The following MYRFL variants were observed in gnomAD, a reference collection of about 807,000 sequenced individuals.
MYRFL encodes the protein myelin regulatory factor-like protein.
A neutral mutation model predicts 109.4 loss-of-function variants in MYRFL; 88 were observed. That is an observed-to-expected ratio of 0.80 (90% CI 0.68 to 0.96). The LOEUF is 0.96. Among genes scored for constraint, MYRFL ranks in the 40% least tolerant of loss-of-function variants. MYRFL has a pLI of 0.00. For missense variants in MYRFL, 957 were observed against 954.9 expected (o/e 1.00, Z -0.03); for synonymous variants, 324 against 320.9 (o/e 1.01, Z -0.10).
At chr12:69,877,116 C>G (rs188555547) in intron 2 of MYRFL, among the ~76,000 whole-genome samples, 1 of 151,078 alleles carries the variant, frequency 6.6e-6, no homozygotes, top group Non-Finnish European at 1.5e-5. Flanking sequence ...CTCCGCCTCC[C>G]GGGTTCACGC....
intron 11 of MYRFL, among the ~76,000 whole-genome samples, chr12:69,908,729 A>G (rs958700708): frequency 2.0e-5 from 3 of 152,332 alleles, no homozygotes; most frequent in Non-Finnish European, 4.4e-5. Flanking sequence ...CTTCCTGTCT[A>G]GACCACAAAC....
intron 19 of MYRFL, among the ~76,000 whole-genome samples, chr12:69,946,018 T>C (rs891093643): frequency 8.9e-5 from 11 of 124,268 alleles, no homozygotes; most frequent in Admixed American, 7.9e-4. Context: ...AAAAAAATTA[T>C]AGAAACTTAA....
intron 13 of MYRFL, among the ~76,000 whole-genome samples, chr12:69,919,635 C>T (rs1007826079): frequency 2.6e-5 from 4 of 152,106 alleles, no homozygotes; most frequent in Admixed American, 6.6e-5. Context: ...GGGCCCAGTA[C>T]GCTCTCCACA....
Position 69,952,717 on chromosome 12 carries a change from A to C in MYRFL, c.2288-82A>C. ...GGAAACTCTTACTTCCCATTCTGTAATTTGAGGACTGTGGCTGGAATACAA... is the reference window on the plus strand; with the variant it reads ...GGAAACTCTTACTTCCCATTCTGTACTTTGAGGACTGTGGCTGGAATACAA... On this transcript the variant is annotated intron_variant, in intron 20 of 24. Coordinates refer to ENST00000552032, the MANE Select transcript of MYRFL (RefSeq NM_182530.3). The C allele has an allele frequency of 3.1e-6, 3 of 964,748 alleles. No homozygotes were observed. The South Asian group carries it at 5.5e-5, about 18-fold the overall frequency. The allele number at this position is 964,748 out of a possible 1,614,324, so 59.8% of individuals were successfully genotyped here.
chr12:69,841,154 C>G (rs1229558362), intron 1 of MYRFL, among the ~76,000 whole-genome samples: 2 of 152,282 alleles, frequency 1.3e-5, no homozygotes, highest in East Asian at 3.9e-4. Context: ...TTCTTGGGGG[C>G]AGTGCCCTGC....
At chr12:69,830,640 C>T (rs1023851569) in intron 1 of MYRFL, among the ~76,000 whole-genome samples, 14 of 152,026 alleles carry the variant, frequency 9.2e-5, no homozygotes, top group South Asian at 2.1e-4. Flanking sequence ...CCAGGTCATG[C>T]AAGGAATTTA....
Position 69,891,637 on chromosome 12 carries a change from T to TTCTCTTTCTTTC in MYRFL, c.903+472_903+473insCTCTTTCTTTCT. ...TTTCTTTCTTTCCTCCTTCCTTTCT[T>TTCTCTTTCTTTC]TTTCTTTCTTTCTTTCTTTCTTTCT... is the stretch of plus-strand genomic sequence containing the variant. On this transcript the variant is annotated intron_variant, in intron 7 of 24. Transcript: ENST00000552032. Among the ~76,000 whole-genome samples, 36 of 53,836 alleles carry TTCTCTTTCTTTC rather than the reference T, an allele frequency of 6.7e-4. 1 individual carries two copies. The highest frequency in any genetic ancestry group is 3.9e-3 in the South Asian group (6 of 1,522). The allele number at this position is 53,836 out of a possible 152,430, so 35.3% of individuals were successfully genotyped here.
chr12:69,895,372 A>G lies in MYRFL; in HGVS notation c.982A>G (p.Ile328Val). ...TTTTTTTTTTGCTGTTTGTTTTAGA[A>G]TTGACCTACTGGCTGACCAGGTCAC... ...RSKKIFNPVK[I>V]DLLADQVTKV... Residue 328 changes from isoleucine to valine, a missense_variant and splice_region_variant, in exon 9 of 25, where the codon ATT (isoleucine) becomes GTT (valine). Coordinates refer to ENST00000552032, the MANE Select transcript of MYRFL (RefSeq NM_182530.3). The G allele has an allele frequency of 6.5e-7, 1 of 1,532,546 alleles. No individual in the cohort carries two copies. The highest frequency in any genetic ancestry group is 1.2e-5 in the South Asian group (1 of 83,700). 94.9% of individuals were successfully genotyped at this position (1,532,546 alleles called of 1,614,324 possible).
chr12:69,958,410 T>G (rs1956142424), intron 24 of MYRFL, 35 bp from the exon 25 acceptor site: 1 of 1,507,410 alleles, frequency 6.6e-7, no homozygotes, highest in Non-Finnish European at 8.8e-7. Flanking sequence ...ATTTTTACAT[T>G]AATCTTCCTT....
intron 11 of MYRFL, among the ~76,000 whole-genome samples, chr12:69,909,451 C>T (rs1218410919): frequency 1.3e-5 from 2 of 152,128 alleles, no homozygotes; most frequent in East Asian, 3.9e-4. Flanking sequence ...TCAATAGCTA[C>T]TCAATAAATA....
intron 7 of MYRFL, among the ~76,000 whole-genome samples, chr12:69,891,748 G>A (rs557588874): frequency 6.8e-6 from 1 of 146,892 alleles, no homozygotes; most frequent in East Asian, 2.0e-4. Flanking sequence ...ACCCAGGCTG[G>A]AGCACAGCAG....
chr12:69,893,717 AT>A (rs1887050355), intron 7 of MYRFL, 46 bp from the exon 8 acceptor site: 2 of 1,181,838 alleles, frequency 1.7e-6, no homozygotes, highest in Admixed American at 3.1e-5. Flanking sequence ...GCTGATTAAC[AT>A]TTTAATTAAT....
rs1339753968 is a variant in MYRFL at position 69,854,346 on chromosome 12, G to GAGGGA, written c.47-934_47-933insAGGGA. ...AGAGGGAGACCGTGGAGGGGGAGGGGGAGGGAGAGGGAGAGGGAGAGGGAG... is the reference window on the plus strand; with the variant it reads ...AGAGGGAGACCGTGGAGGGGGAGGGGAGGGAGAGGGAGAGGGAGAGGGAGAGGGAG... On this transcript the variant is annotated intron_variant, in intron 1 of 24. Transcript: ENST00000552032. 1.4e-4 allele frequency among the ~76,000 whole-genome samples: 20 copies of GAGGGA among 141,770 alleles called. 1 individual carries two copies. In the East Asian group the frequency reaches 3.9e-3, roughly 27 times the overall value. 93.0% of individuals were successfully genotyped at this position (141,770 alleles called of 152,430 possible).
intron 13 of MYRFL, among the ~76,000 whole-genome samples, chr12:69,912,878 A>G (rs1460460469): frequency 6.6e-6 from 1 of 152,172 alleles, no homozygotes; most frequent in Non-Finnish European, 1.5e-5. Flanking sequence ...AGGAACCACC[A>G]TACTATTTCC....
chr12:69,884,256 A>G (rs1039966225), intron 5 of MYRFL, among the ~76,000 whole-genome samples: 18 of 152,254 alleles, frequency 1.2e-4, no homozygotes, highest in African/African-American at 4.3e-4. Context: ...AAGCACTCAA[A>G]GTAGGAGACA....
chr12:69,884,676 A>G (rs1886337985), intron 5 of MYRFL, among the ~76,000 whole-genome samples: 1 of 152,218 alleles, frequency 6.6e-6, no homozygotes, highest in Non-Finnish European at 1.5e-5. Flanking sequence ...GGAGGCCAAC[A>G]ACAGGAGTAT....
At chr12:69,830,801 G>A (rs1307246143) in intron 1 of MYRFL, among the ~76,000 whole-genome samples, 2 of 152,060 alleles carry the variant, frequency 1.3e-5, no homozygotes, top group Non-Finnish European at 2.9e-5. Context: ...ACCTGCCCAC[G>A]CTACCTTTGA....
intron 1 of MYRFL, among the ~76,000 whole-genome samples, chr12:69,852,841 C>T (rs1245553625): frequency 6.6e-6 from 1 of 151,868 alleles, no homozygotes; most frequent in African/African-American, 2.4e-5. Flanking sequence ...CATCTTGCAC[C>T]GCCCTTAATC....
In MYRFL at chr12:69,862,464, C is replaced by T. The variant is rs953134879; in HGVS notation, c.137+7094C>T. The stretch of plus-strand genomic sequence containing the variant: ...TAGTTCTCCTTGAAGAGGTCCTTCA[C>T]ATCCCTTGTAAGTTGGATTCCTAGG... On this transcript the variant is annotated intron_variant, in intron 2 of 24. Coordinates refer to ENST00000552032, the MANE Select transcript of MYRFL (RefSeq NM_182530.3). Among the ~76,000 whole-genome samples, 1,087 of 151,790 alleles carry T rather than the reference C, an allele frequency of 7.2e-3. 10 individuals are homozygous for T. The highest frequency in any genetic ancestry group is 0.012 in the Non-Finnish European group (799 of 67,744).
Sources: allele counts gnomAD v4.1 joint callset (sites outside exome capture counted in the v4.1 genomes callset), GRCh38; gene constraint gnomAD v4.1.1; transcripts MANE v1.5; gene names NCBI Gene and HGNC (gene_info 2026-07-23, HGNC 2026-07-21).